Variants in EFCAB7 observed in about 807,000 individuals in gnomAD.
EFCAB7 encodes the protein EF-hand calcium binding domain 7, also known as EF-hand calcium-binding domain-containing protein 7.
EFCAB7 carries 66 observed loss-of-function variants against 77.1 expected under a neutral mutation model. The ratio of observed to expected loss-of-function variants is 0.86; its 90% confidence interval spans 0.70 to 1.05. The LOEUF (loss-of-function observed/expected upper bound fraction) is 1.05. EFCAB7 is among the 50% of genes least tolerant of loss of function. The probability of loss-of-function intolerance (pLI) is 0.00; values close to 1 mark genes in which losing one functional copy is unlikely to be tolerated. For synonymous variants in EFCAB7, 225 were observed against 243.3 expected (o/e 0.92, Z 0.70); for missense variants, 638 against 730.5 (o/e 0.87, Z 1.46).
At position 63,531,827 on chromosome 1, in the gene EFCAB7, G is replaced by C; in HGVS notation, c.195G>C (p.Gln65His). Reference protein sequence around the residue: ...ISKDQLYLALQHAGRNPSQKT... With the variant: ...ISKDQLYLALHHAGRNPSQKT... ...ACTTGTCTTGTTGGGCAGCTCTTCA[G>C]CATGCAGGAAGAAATCCATCCCAAA... The change falls in exon 3 of 14, where the codon CAG becomes CAC. Residue 65 changes from glutamine to histidine, a missense_variant. Transcript: ENST00000371088. The C allele has an allele frequency of 6.2e-7, 1 of 1,611,376 alleles. No homozygotes were observed. The highest frequency in any genetic ancestry group is 8.5e-7 in the Non-Finnish European group (1 of 1,178,910).
chr1:63,538,461 C>T lies in EFCAB7; in HGVS notation c.804+4245C>T, dbSNP rs547485500. 4.0e-3 allele frequency among the ~76,000 whole-genome samples: 592 copies of T among 146,356 alleles called. 4 individuals carry two copies. Among genetic ancestry groups the T allele is most frequent in the African/African-American group, 0.013 (536 of 39,904 alleles). ...TGAAAGGGTATTTTTTTTTCTTTTT[C>T]TTTTTTTTTTGAGATGGAGTCTCAC... On this transcript the variant is annotated intron_variant, in intron 6 of 13. Coordinates refer to ENST00000371088, the MANE Select transcript of EFCAB7 (RefSeq NM_032437.4).
chr1:63,580,636 T>C, the EFCAB7 span, among the ~76,000 whole-genome samples: 2 of 152,344 alleles, frequency 1.3e-5, no homozygotes, highest in East Asian at 3.9e-4. Flanking sequence ...GGATTTTAAC[T>C]GGTATTGTGT....
At chr1:63,556,500 C>A (rs760019871) in intron 9 of EFCAB7, among the ~76,000 whole-genome samples, 73 of 152,102 alleles carry the variant, frequency 4.8e-4, no homozygotes, top group Admixed American at 7.9e-4. Flanking sequence ...GACAATTTCT[C>A]CCTATTGGTA....
At chr1:63,539,357 A>G (rs2100884195) in intron 6 of EFCAB7, among the ~76,000 whole-genome samples, 1 of 152,338 alleles carries the variant, frequency 6.6e-6, no homozygotes, top group Admixed American at 6.5e-5. Flanking sequence ...ACTAAATTCT[A>G]CATTTTTAAA....
chr1:63,554,344 TG>T (rs1189488423), intron 8 of EFCAB7, among the ~76,000 whole-genome samples: 1 of 152,148 alleles, frequency 6.6e-6, no homozygotes, highest in African/African-American at 2.4e-5. Context: ...TTCTTTCTTT[TG>T]TTTTTTTGTT....
At chr1:63,579,318 A>C in the EFCAB7 span, among the ~76,000 whole-genome samples, 1 of 152,254 alleles carries the variant, frequency 6.6e-6, no homozygotes, top group Admixed American at 6.5e-5. Context: ...GGAATCATGC[A>C]GTATGTAACC....
At chr1:63,573,116 A>G (rs1647315574), downstream of EFCAB7, among the ~76,000 whole-genome samples, 1 of 152,142 alleles carries the variant, frequency 6.6e-6, no homozygotes, top group African/African-American at 2.4e-5. Context: ...GTCTTCTTAT[A>G]TTAATAAGAA....
At chr1:63,573,619 T>A (rs1301851577), downstream of EFCAB7, among the ~76,000 whole-genome samples, 1 of 152,138 alleles carries the variant, frequency 6.6e-6, no homozygotes, top group African/African-American at 2.4e-5. Flanking sequence ...AGGGCATTTA[T>A]GAGTAGAGAA....
chr1:63,528,679 C>A (rs1646640869), intron 2 of EFCAB7, among the ~76,000 whole-genome samples: 1 of 151,836 alleles, frequency 6.6e-6, no homozygotes, highest in Admixed American at 6.6e-5. Flanking sequence ...TATACACCTA[C>A]TATGTATCTC....
At chr1:63,567,139 G>T (rs1647181073) in intron 11 of EFCAB7, among the ~76,000 whole-genome samples, 1 of 152,104 alleles carries the variant, frequency 6.6e-6, no homozygotes, top group Non-Finnish European at 1.5e-5. Context: ...TCATGAAGGA[G>T]AATGATTAAT....
At chr1:63,578,063 A>G in the EFCAB7 span, among the ~76,000 whole-genome samples, 1 of 152,220 alleles carries the variant, frequency 6.6e-6, no homozygotes, top group African/African-American at 2.4e-5. Flanking sequence ...TGTTAGATTA[A>G]GTTTGACAGT....
intron 6 of EFCAB7, among the ~76,000 whole-genome samples, chr1:63,544,750 C>A (rs1484703185): frequency 1.3e-5 from 2 of 152,140 alleles, no homozygotes; most frequent in African/African-American, 4.8e-5. Context: ...TAGTTATCTA[C>A]ACTTGAAGCA....
downstream of EFCAB7, among the ~76,000 whole-genome samples, chr1:63,577,644 A>G (rs560608940): frequency 6.6e-6 from 1 of 152,364 alleles, no homozygotes; most frequent in East Asian, 1.9e-4. Flanking sequence ...TCCAATTAGC[A>G]TGTATCTATT....
chr1:63,526,196 G>C (rs961155045), intron 2 of EFCAB7, among the ~76,000 whole-genome samples: 1 of 152,154 alleles, frequency 6.6e-6, no homozygotes, highest in Non-Finnish European at 1.5e-5. Flanking sequence ...AGAGAATTGA[G>C]TTGGGGTTTT....
intron 2 of EFCAB7, 148 bp from the exon 3 acceptor site, chr1:63,531,671 TC>T: frequency 1.4e-6 from 1 of 690,614 alleles, no homozygotes. Flanking sequence ...TATCTTGGTA[TC>T]ACTAGATAAG....
intron 2 of EFCAB7, among the ~76,000 whole-genome samples, chr1:63,526,274 C>T (rs528505332): frequency 3.3e-5 from 5 of 151,892 alleles, no homozygotes; most frequent in African/African-American, 1.2e-4. Context: ...TTTAAAAATT[C>T]CTCTCATTAC....
At chr1:63,549,421 A>G (rs1361946056) in intron 7 of EFCAB7, 1 of 467,520 alleles carries the variant, frequency 2.1e-6, no homozygotes. Context: ...GAACATCTTA[A>G]GTCTGTTACT....
chr1:63,572,417 A>T (rs1359171981), intron 13 of EFCAB7, 25 bp from the exon 14 acceptor site: 1 of 1,546,530 alleles, frequency 6.5e-7, no homozygotes, highest in African/African-American at 1.4e-5. Context: ...AAAAGAGAGT[A>T]AAAGCTTTCT....
intron 6 of EFCAB7, among the ~76,000 whole-genome samples, chr1:63,540,088 C>T (rs749653830): frequency 8.5e-4 from 129 of 152,116 alleles, no homozygotes; most frequent in Non-Finnish European, 1.3e-3. Flanking sequence ...TTGGGCCAGG[C>T]GCAGTGGCTC....
Sources: gnomAD v4.1 joint callset for allele counts (sites outside exome capture counted in the v4.1 genomes callset) on GRCh38, gnomAD v4.1.1 for gene constraint, MANE v1.5 for transcripts, NCBI Gene and HGNC (gene_info 2026-07-23, HGNC 2026-07-21) for gene names.